WBP4: variants seen among roughly 807,000 people sequenced by gnomAD.
WBP4 encodes the protein WW domain-binding protein 4.
A neutral mutation model predicts 55.4 loss-of-function variants in WBP4; 37 were observed. The observed-to-expected ratio is 0.67, with a 90% CI of 0.51 to 0.88. The LOEUF (loss-of-function observed/expected upper bound fraction) is 0.88. Ranked by LOEUF, WBP4 falls within the 40% of genes least tolerant of loss-of-function variation. WBP4 has a pLI of 0.00. For synonymous variants in WBP4, 142 were observed against 140.2 expected (o/e 1.01, Z -0.09); for missense variants, 398 against 420.8 (o/e 0.95, Z 0.47).
At chr13:41,063,655 C>T (rs1300267715) in intron 2 of WBP4, among the ~76,000 whole-genome samples, 1 of 152,034 alleles carries the variant, frequency 6.6e-6, no homozygotes, top group Admixed American at 6.5e-5. Flanking sequence ...AGTAAGTAAT[C>T]CCTTCCAGTG....
At chr13:41,078,552 G>T (rs530191469) in intron 8 of WBP4, among the ~76,000 whole-genome samples, 1 of 152,224 alleles carries the variant, frequency 6.6e-6, no homozygotes, top group Non-Finnish European at 1.5e-5. Context: ...AGGAGGCCAG[G>T]CATGGTGGCT....
chr13:41,063,955 AC>A (rs952040996), intron 2 of WBP4, among the ~76,000 whole-genome samples: 6 of 152,092 alleles, frequency 3.9e-5, no homozygotes, highest in Non-Finnish European at 7.4e-5. Flanking sequence ...ACTGCATTTA[AC>A]TAGAAACTTG....
intron 7 of WBP4, among the ~76,000 whole-genome samples, chr13:41,073,274 G>A (rs1878328217): frequency 1.3e-5 from 2 of 152,158 alleles, no homozygotes; most frequent in Non-Finnish European, 2.9e-5. Flanking sequence ...AGCAGTTTGG[G>A]AGGCCAAGAC....
At position 41,076,090 on chromosome 13, in the gene WBP4, T is replaced by TC. The variant is rs758236903; in HGVS notation, c.610dup (p.Leu204ProfsTer4). On this transcript the variant is annotated frameshift_variant, in exon 8 of 10. Transcript: ENST00000379487. LOFTEE classifies it high-confidence loss of function. ...ATGATTTCATTCCACACACTAGTGA[T>TC]CTGCCTTCTAGTAAGGTCAATGAAA... 1.1e-5 allele frequency: 17 copies of TC among 1,613,574 alleles called. No homozygotes were observed. The highest frequency in any genetic ancestry group is 1.4e-5 in the Non-Finnish European group (17 of 1,179,960).
At chr13:41,068,763 T>G in intron 5 of WBP4, 26 bp downstream of exon 5, 1 of 1,532,478 alleles carries the variant, frequency 6.5e-7, no homozygotes, top group South Asian at 1.3e-5. Flanking sequence ...ATAAAACTGG[T>G]AAAGAACAGT....
chr13:41,080,841 T>C (rs368156936), intron 9 of WBP4, 32 bp downstream of exon 9: 62 of 1,578,248 alleles, frequency 3.9e-5, no homozygotes, highest in African/African-American at 3.2e-4. Context: ...CCCACTGTTA[T>C]TACAAGTGAT....
intron 8 of WBP4, among the ~76,000 whole-genome samples, chr13:41,079,616 C>CT (rs1374700249): frequency 6.6e-6 from 1 of 151,312 alleles, no homozygotes; most frequent in Admixed American, 6.6e-5. Flanking sequence ...CACTTATACA[C>CT]TTACTGAGAA....
intron 1 of WBP4, 127 bp from the exon 2 acceptor site, chr13:41,062,517 C>T (rs1877732493): frequency 3.6e-6 from 3 of 823,144 alleles, no homozygotes; most frequent in South Asian, 2.3e-5. Flanking sequence ...AATAAAACGA[C>T]TATACATAAC....
At chr13:41,081,336 CAA>C (rs1235993323) in intron 9 of WBP4, among the ~76,000 whole-genome samples, 1 of 140,900 alleles carries the variant, frequency 7.1e-6, no homozygotes, top group Admixed American at 7.1e-5. Flanking sequence ...TTCTCTCTAC[CAA>C]AAAAAAAAAA....
chr13:41,066,185 G>C (rs910365860), intron 4 of WBP4, among the ~76,000 whole-genome samples: 1 of 152,224 alleles, frequency 6.6e-6, no homozygotes, highest in Admixed American at 6.5e-5. Flanking sequence ...ATTAGGAATA[G>C]ATGAGAGTCC....
At chr13:41,082,570 A>T (rs1232326542) in intron 9 of WBP4, 134 bp from the exon 10 acceptor site, 4 of 674,068 alleles carry the variant, frequency 5.9e-6, no homozygotes, top group Non-Finnish European at 1.0e-5. Context: ...TTGTAAAGTC[A>T]GTATTTTAAA....
In WBP4 at chr13:41,080,681, A is replaced by G; in HGVS notation, c.792A>G (p.Pro264=). ...AAAATAGTGATGGAGGAAGTGACCC[A>G]GAAACACAGAAAGAAAAAAGTATTC... ...KNKNSDGGSD[P]ETQKEKSIQK... Residue 264 remains proline (P), a synonymous_variant, in exon 9 of 10, where the codon CCA becomes CCG. Coordinates refer to ENST00000379487, the MANE Select transcript of WBP4 (RefSeq NM_007187.5). 1 of 1,598,930 alleles carries G rather than the reference A, an allele frequency of 6.3e-7. No homozygotes were observed. Among genetic ancestry groups the G allele is most frequent in the Non-Finnish European group, 8.5e-7 (1 of 1,176,714 alleles).
chr13:41,083,964 A>G lies in WBP4; in HGVS notation c.*1050A>G, dbSNP rs1878899076. Reference sequence around the variant, plus strand: ...ATATTTGTCTTTTTAAGATGACTGTACATGTAAGAAAAAAGCTTATTAAAA... The same window carrying G: ...ATATTTGTCTTTTTAAGATGACTGTGCATGTAAGAAAAAAGCTTATTAAAA... On this transcript the variant is annotated 3_prime_UTR_variant, in exon 10 of 10. Coordinates refer to ENST00000379487, the MANE Select transcript of WBP4 (RefSeq NM_007187.5). 1 of 152,204 alleles carries G rather than the reference A, an allele frequency of 6.6e-6. No individual in the cohort carries two copies. The highest frequency in any genetic ancestry group is 2.4e-5 in the African/African-American group (1 of 41,458). 9.4% of individuals were successfully genotyped at this position (152,204 alleles called of 1,614,324 possible). A position where few individuals can be genotyped will look rare whatever the true frequency, so the allele number is the denominator to read the frequency against.
At chr13:41,071,407 G>T in intron 5 of WBP4, 120 bp from the exon 6 acceptor site, 1 of 740,360 alleles carries the variant, frequency 1.4e-6, no homozygotes, top group Non-Finnish European at 2.2e-6. Context: ...TTTCAAATAT[G>T]TTTTAAATTG....
At chr13:41,068,862 T>C in intron 5 of WBP4, 125 bp downstream of exon 5, 1 of 1,102,354 alleles carries the variant, frequency 9.1e-7, no homozygotes, top group Non-Finnish European at 1.2e-6. Context: ...GGTTTTTCAT[T>C]TTTGCCCCAA....
rs1878313476 is a variant in WBP4 at position 41,072,877 on chromosome 13, A to G, written c.562+20A>G. ...CAGGAGGTAAGTATTACCTTTGATT[A>G]TCTTAACTGTTTAAAATTGTACCTG... is the stretch of plus-strand genomic sequence containing the variant. On this transcript the variant is annotated intron_variant, in intron 7 of 9. Transcript: ENST00000379487. 2.5e-6 allele frequency: 4 copies of G among 1,589,812 alleles called. No individual in the cohort carries two copies. In the South Asian group the frequency reaches 3.4e-5, roughly 13 times the overall value.
At chr13:41,080,529 T>A in intron 8 of WBP4, 117 bp from the exon 9 acceptor site, 1 of 748,476 alleles carries the variant, frequency 1.3e-6, no homozygotes, top group Non-Finnish European at 2.1e-6. Context: ...ATGTGCAGAT[T>A]TGAGTTAGTG....
Position 41,062,376 on chromosome 13 carries a change from C to T in WBP4, c.3-268C>T, listed in dbSNP as rs989001750. On this transcript the variant is annotated intron_variant, in intron 1 of 9. Coordinates refer to ENST00000379487, the MANE Select transcript of WBP4 (RefSeq NM_007187.5). ...TAAGATGTTCCTTAGTTTTTCATAACGATGACGATAACAAGTGAGGAATTT... is the reference window on the plus strand; with the variant it reads ...TAAGATGTTCCTTAGTTTTTCATAATGATGACGATAACAAGTGAGGAATTT... 54 of 852,452 alleles carry T rather than the reference C, an allele frequency of 6.3e-5. No homozygotes were observed. The Middle Eastern group carries it at 1.8e-3, about 28-fold the overall frequency. 52.8% of individuals were successfully genotyped at this position (852,452 alleles called of 1,614,324 possible). A position where few individuals can be genotyped will look rare whatever the true frequency, so the allele number is the denominator to read the frequency against.
In WBP4 at chr13:41,076,204, T is replaced by C; in HGVS notation, c.723T>C (p.Ser241=). ...GEQEAEEGGV[S]TETEKPKIKF... ...AGGAAGCAGAAGAAGGAGGGGTCTC[T>C]ACAGAGACAGAAAAGCCAAAAATAA... Residue 241 remains serine (S), a synonymous_variant, in exon 8 of 10, where the codon TCT becomes TCC. Coordinates refer to ENST00000379487, the MANE Select transcript of WBP4 (RefSeq NM_007187.5). 1 of 1,589,228 alleles carries C rather than the reference T, an allele frequency of 6.3e-7. No individual in the cohort carries two copies. The highest frequency in any genetic ancestry group is 8.5e-7 in the Non-Finnish European group (1 of 1,172,762).
Sources: allele counts gnomAD v4.1 joint callset (sites outside exome capture counted in the v4.1 genomes callset), GRCh38; gene constraint gnomAD v4.1.1; transcripts MANE v1.5; gene names NCBI Gene and HGNC (gene_info 2026-07-23, HGNC 2026-07-21).